Variants in ATP2B4 observed in about 807,000 individuals in gnomAD.
ATP2B4 encodes the protein plasma membrane calcium-transporting ATPase 4.
In ATP2B4, 39 loss-of-function variants were observed where a neutral mutation model predicts 110.3. The observed-to-expected ratio is 0.35, with a 90% CI of 0.27 to 0.46. The LOEUF is 0.46. Among genes scored for constraint, ATP2B4 ranks in the 20% least tolerant of loss-of-function variants. The pLI is 1.00. For synonymous variants in ATP2B4, 538 were observed against 571.7 expected (o/e 0.94, Z 0.84); for missense variants, 1,135 against 1,530.9 (o/e 0.74, Z 4.32).
chr1:203,715,544 T>C (rs4951097), intron 15 of ATP2B4, among the ~76,000 whole-genome samples: 58,061 of 141,114 alleles, frequency 0.41, 17,274 homozygotes, highest in East Asian at 0.78. Context: ...CAGAGCAAGA[T>C]TCCGTCTCAA....
At chr1:203,715,362 A>G (rs77286684) in intron 15 of ATP2B4, among the ~76,000 whole-genome samples, 18,422 of 142,716 alleles carry the variant, frequency 0.13, 4,529 homozygotes, top group East Asian at 0.43. Flanking sequence ...AGACCAGTCT[A>G]GCCAGCATGG....
chr1:203,656,710 A>G (rs1027527155), intron 1 of ATP2B4, among the ~76,000 whole-genome samples: 1 of 152,244 alleles, frequency 6.6e-6, no homozygotes, highest in South Asian at 2.1e-4. Flanking sequence ...AAATTGCTGA[A>G]TACCCACGCA....
At chr1:203,729,768 T>C (rs555264104) in intron 20 of ATP2B4, 12 of 1,337,446 alleles carry the variant, frequency 9.0e-6, no homozygotes, top group East Asian at 4.8e-5. Context: ...TGGGCAGGCA[T>C]TGGAGTCCGG....
intron 2 of ATP2B4, among the ~76,000 whole-genome samples, chr1:203,691,162 C>G (rs980758942): frequency 2.0e-5 from 3 of 152,182 alleles, no homozygotes; most frequent in Non-Finnish European, 4.4e-5. Flanking sequence ...GGAGGCTTCC[C>G]CTTCCTGCTT....
In ATP2B4 at chr1:203,703,867, C is replaced by T; in HGVS notation, c.1099+54C>T. 4.5e-6 allele frequency: 7 copies of T among 1,571,820 alleles called. No individual in the cohort carries two copies. In the Middle Eastern group the frequency reaches 8.7e-4, roughly 194 times the overall value. On this transcript the variant is annotated intron_variant, in intron 8 of 20. Transcript: ENST00000357681. The stretch of plus-strand genomic sequence containing the variant: ...TATCAATGTTGTCTTGGATCCTCAT[C>T]ACTTTTATCCCCTTCTTTCTGCACC...
chr1:203,675,243 G>A (rs1664795122), intron 1 of ATP2B4, among the ~76,000 whole-genome samples: 1 of 152,194 alleles, frequency 6.6e-6, no homozygotes, highest in African/African-American at 2.4e-5. Flanking sequence ...TCTTGGTATC[G>A]CTGTTTGGAG....
chr1:203,678,655 C>A (rs1416474984), intron 1 of ATP2B4, among the ~76,000 whole-genome samples: 1 of 152,154 alleles, frequency 6.6e-6, no homozygotes, highest in African/African-American at 2.4e-5. Context: ...TCTCCCGCCT[C>A]AGCCTTCCAA....
Position 203,698,235 on chromosome 1 carries a change from A to G in ATP2B4, c.272A>G (p.Lys91Arg). 6.2e-7 allele frequency: 1 copy of G among 1,614,218 alleles called. No individual in the cohort carries two copies. Among genetic ancestry groups the G allele is most frequent in the Non-Finnish European group, 8.5e-7 (1 of 1,180,042 alleles). ...GHNVIPPKKP[K>R]TFLELVWEAL... ...AACGTGATCCCCCCCAAAAAGCCCAAGACTTTCTTAGAATTAGTGTGGGAA... is the reference window on the plus strand; with the variant it reads ...AACGTGATCCCCCCCAAAAAGCCCAGGACTTTCTTAGAATTAGTGTGGGAA... The change falls in exon 3 of 21, where the codon AAG (lysine) becomes AGG (arginine). Residue 91 changes from lysine (K) to arginine (R), a missense_variant. Coordinates refer to ENST00000357681, the MANE Select transcript of ATP2B4 (RefSeq NM_001684.5).
intron 1 of ATP2B4, among the ~76,000 whole-genome samples, chr1:203,650,131 A>G (rs1463773404): frequency 6.6e-6 from 1 of 152,234 alleles, no homozygotes; most frequent in Non-Finnish European, 1.5e-5. Flanking sequence ...GACATAATGC[A>G]TGCATTGATC....
At chr1:203,703,623 C>T (rs182951975) in intron 7 of ATP2B4, 29 bp from the exon 8 acceptor site, 27 of 1,608,014 alleles carry the variant, frequency 1.7e-5, no homozygotes, top group Non-Finnish European at 2.3e-5. Context: ...CTTGCCTGCT[C>T]ACCTGTCCTA....
chr1:203,691,934 T>A (rs192339332), intron 2 of ATP2B4, among the ~76,000 whole-genome samples: 1 of 152,068 alleles, frequency 6.6e-6, no homozygotes, highest in Non-Finnish European at 1.5e-5. Context: ...CAGGCTGGAG[T>A]GCAGTGGCGC....
At chr1:203,668,190 TGGAG>T (rs1664564099) in intron 1 of ATP2B4, among the ~76,000 whole-genome samples, 2 of 152,128 alleles carry the variant, frequency 1.3e-5, no homozygotes, top group Admixed American at 6.5e-5. Context: ...GGTGGAACAG[TGGAG>T]CCATCTTGCA....
chr1:203,699,771 T>C lies in ATP2B4; in HGVS notation c.649+54T>C, dbSNP rs1191417795. 27 of 1,600,532 alleles carry C rather than the reference T, an allele frequency of 1.7e-5. No homozygotes were observed. In the South Asian group the frequency reaches 2.5e-4, roughly 15 times the overall value. On this transcript the variant is annotated intron_variant, in intron 4 of 20. Coordinates refer to ENST00000357681, the MANE Select transcript of ATP2B4 (RefSeq NM_001684.5). ...CCCACCACCACCCCCATTTAAGGGATAGGTCCTTTGGCATGAGGGGGCTGG... is the reference window on the plus strand; with the variant it reads ...CCCACCACCACCCCCATTTAAGGGACAGGTCCTTTGGCATGAGGGGGCTGG...
At chr1:203,690,756 G>A (rs1284670368) in intron 2 of ATP2B4, among the ~76,000 whole-genome samples, 3 of 152,198 alleles carry the variant, frequency 2.0e-5, no homozygotes, top group African/African-American at 7.2e-5. Context: ...CCTAATAACA[G>A]TGATCTGGGC....
At chr1:203,631,241 G>T (rs1663256185) in intron 1 of ATP2B4, among the ~76,000 whole-genome samples, 1 of 152,214 alleles carries the variant, frequency 6.6e-6, no homozygotes, top group African/African-American at 2.4e-5. Context: ...AGGTGCCAAG[G>T]GGCAGAGCCC....
rs560486806 is a variant in ATP2B4, at chr1:203,701,500, A to T, written c.902-544A>T. On this transcript the variant is annotated intron_variant, in intron 6 of 20. Coordinates refer to ENST00000357681, the MANE Select transcript of ATP2B4 (RefSeq NM_001684.5). ...ACCAAGTCTACACGTTTCCCTAAGC[A>T]TTCCTTCTTCCCTTAGGGGAGAGAA... 2.6e-5 allele frequency among the ~76,000 whole-genome samples: 4 copies of T among 152,336 alleles called. No homozygotes were observed. The South Asian group carries it at 8.3e-4, about 32-fold the overall frequency.
chr1:203,672,801 T>C (rs913167783), intron 1 of ATP2B4, among the ~76,000 whole-genome samples: 2 of 152,114 alleles, frequency 1.3e-5, no homozygotes. Context: ...GGGAGGGGAT[T>C]TGCTCCACTG....
chr1:203,740,051 GT>G lies in ATP2B4; in HGVS notation c.*200del. ...GATTTCAACTTAAGCTTGACTTGGG[GT>G]TTGTAGCGGGACCCAGTCAAACCCC... On this transcript the variant is annotated 3_prime_UTR_variant, in exon 21 of 21. Coordinates refer to ENST00000357681, the MANE Select transcript of ATP2B4 (RefSeq NM_001684.5). The G allele has an allele frequency of 1.6e-6, 1 of 630,438 alleles. No individual in the cohort carries two copies. Among genetic ancestry groups the G allele is most frequent in the Non-Finnish European group, 2.7e-6 (1 of 376,492 alleles). 39.1% of individuals were successfully genotyped at this position (630,438 alleles called of 1,614,324 possible). A position where few individuals can be genotyped will look rare whatever the true frequency, so the allele number is the denominator to read the frequency against.
chr1:203,672,324 CTTTTTTTTTTTTTTTTTT>C (rs57144862), intron 1 of ATP2B4, among the ~76,000 whole-genome samples: 2 of 79,626 alleles, frequency 2.5e-5, no homozygotes, highest in African/African-American at 1.1e-4. Context: ...TGCGGTGGCT[CTTTTTTTTTTTTTTTTTT>C]TTTTTTTTTT....
Sources: gnomAD v4.1 joint callset for allele counts (sites outside exome capture counted in the v4.1 genomes callset) on GRCh38, gnomAD v4.1.1 for gene constraint, MANE v1.5 for transcripts, NCBI Gene and HGNC (gene_info 2026-07-23, HGNC 2026-07-21) for gene names.